The following TMEM132C variants were observed in gnomAD, a reference collection of about 807,000 sequenced individuals.
TMEM132C encodes transmembrane protein 132C.
TMEM132C carries 29 observed loss-of-function variants against 61.4 expected under a neutral mutation model. That is an observed-to-expected ratio of 0.47 (90% CI 0.35 to 0.64). The LOEUF (loss-of-function observed/expected upper bound fraction) is 0.64. Ranked by LOEUF, TMEM132C falls within the 30% of genes least tolerant of loss-of-function variation. TMEM132C has a pLI of 0.00. For synonymous variants in TMEM132C, 656 were observed against 633.1 expected, an observed-to-expected ratio of 1.04 and a Z score of -0.54; for missense variants, 1,408 against 1,476.9, an observed-to-expected ratio of 0.95 and a Z score of 0.76.
chr12:128,469,425 C>T (rs1870857752), intron 2 of TMEM132C, among the ~76,000 whole-genome samples: 1 of 151,126 alleles, frequency 6.6e-6, no homozygotes, highest in South Asian at 2.1e-4. Context: ...AGGTGATCCT[C>T]CCACCTCAGC....
At chr12:128,473,362 GCCTCTA>G (rs1281871211) in intron 2 of TMEM132C, among the ~76,000 whole-genome samples, 35 of 146,008 alleles carry the variant, frequency 2.4e-4, no homozygotes, top group South Asian at 6.3e-4. Context: ...CTTCACTCCA[GCCTCTA>G]TCTTCATCTT....
chr12:128,316,712 T>C (rs1872165911), intron 1 of TMEM132C, among the ~76,000 whole-genome samples: 1 of 152,166 alleles, frequency 6.6e-6, no homozygotes, highest in South Asian at 2.1e-4. Flanking sequence ...GCTTTTTATT[T>C]AAACAATTTT....
chr12:128,441,005 C>A (rs1328797781), intron 2 of TMEM132C, among the ~76,000 whole-genome samples: 1 of 152,182 alleles, frequency 6.6e-6, no homozygotes, highest in Non-Finnish European at 1.5e-5. Context: ...CGCGCCACTG[C>A]ACTCCAGCAT....
At chr12:128,280,020 T>C (rs1014751175) in intron 1 of TMEM132C, among the ~76,000 whole-genome samples, 1 of 152,218 alleles carries the variant, frequency 6.6e-6, no homozygotes, top group Non-Finnish European at 1.5e-5. Context: ...TCAGTCTGTC[T>C]TCGGCTTCTC....
chr12:128,397,899 A>C (rs990618228), intron 1 of TMEM132C, among the ~76,000 whole-genome samples: 3 of 152,118 alleles, frequency 2.0e-5, no homozygotes, highest in African/African-American at 7.2e-5. Flanking sequence ...ACACAGTTTA[A>C]TTGTCTGTGT....
Position 128,415,716 on chromosome 12 carries a change from T to G in TMEM132C, c.974+96T>G. The G allele has an allele frequency of 1.5e-6, 2 of 1,368,528 alleles. No homozygotes were observed. The highest frequency in any genetic ancestry group is 2.5e-5 in the East Asian group (1 of 39,384). 84.8% of individuals were successfully genotyped at this position (1,368,528 alleles called of 1,614,324 possible). A position where few individuals can be genotyped will look rare whatever the true frequency, so the allele number is the denominator to read the frequency against. On this transcript the variant is annotated intron_variant, in intron 2 of 8. Transcript: ENST00000435159. This position sits in a 1 kb window ranked among gnomAD's most constrained non-coding sequence, Gnocchi z 5.8. Reference sequence around the variant, plus strand: ...ATAGATATTCAGGAAGCATCGATTTTCACTACCTTCAGGGACCGTTTGGCA... The same window carrying G: ...ATAGATATTCAGGAAGCATCGATTTGCACTACCTTCAGGGACCGTTTGGCA...
intron 4 of TMEM132C, among the ~76,000 whole-genome samples, chr12:128,634,984 G>C (rs1195606556): frequency 6.6e-6 from 1 of 152,212 alleles, no homozygotes; most frequent in African/African-American, 2.4e-5. Flanking sequence ...CTGTCAGGCA[G>C]CTGTAGGGAA....
chr12:128,299,443 C>T (rs1396239215), intron 1 of TMEM132C, among the ~76,000 whole-genome samples: 1 of 152,078 alleles, frequency 6.6e-6, no homozygotes, highest in East Asian at 1.9e-4. Context: ...CGGAATTCAC[C>T]AGCTATTGAT....
intron 2 of TMEM132C, among the ~76,000 whole-genome samples, chr12:128,451,045 C>T (rs1162896293): frequency 1.3e-5 from 2 of 152,060 alleles, no homozygotes; most frequent in Non-Finnish European, 2.9e-5. Context: ...AAAACAAAAA[C>T]AGATTCAAAG....
chr12:128,565,512 A>G (rs1221666064), intron 3 of TMEM132C, among the ~76,000 whole-genome samples: 2 of 152,254 alleles, frequency 1.3e-5, no homozygotes, highest in Admixed American at 6.5e-5. Flanking sequence ...AAAATAGTCA[A>G]TAGGAAAATG....
chr12:128,506,507 T>C (rs776263147), intron 2 of TMEM132C, among the ~76,000 whole-genome samples: 84 of 152,116 alleles, frequency 5.5e-4, no homozygotes, highest in Non-Finnish European at 1.1e-3. Flanking sequence ...AGGAGGGGGC[T>C]CTGGTGGGAG....
rs149572975 is a variant in TMEM132C at position 128,604,326 on chromosome 12, G to A, written c.1122-11826G>A. On this transcript the variant is annotated intron_variant, in intron 3 of 8. Transcript: ENST00000435159. ...TGAGTGGATGGATGGATAGATGGAC[G>A]TGTGGATAGAAAGATGGATGGATAG... Among the ~76,000 whole-genome samples the A allele has an allele frequency of 2.0e-4, 30 of 152,074 alleles. No homozygotes were observed. The East Asian group carries it at 5.4e-3, about 28-fold the overall frequency.
At chr12:128,661,378 A>G (rs945546909) in intron 4 of TMEM132C, among the ~76,000 whole-genome samples, 1 of 152,208 alleles carries the variant, frequency 6.6e-6, no homozygotes, top group Non-Finnish European at 1.5e-5. Context: ...AGCTGGAACC[A>G]TCACCTGGCC....
At chr12:128,354,868 A>T (rs1358300254) in intron 1 of TMEM132C, among the ~76,000 whole-genome samples, 1 of 152,282 alleles carries the variant, frequency 6.6e-6, no homozygotes, top group East Asian at 1.9e-4. Context: ...TGTTCCACAG[A>T]CATTATCACC....
chr12:128,347,418 T>TCTCTATATCTCTCTCTCTCTCTCTCC (rs1873199113), intron 1 of TMEM132C, among the ~76,000 whole-genome samples: 16 of 149,082 alleles, frequency 1.1e-4, no homozygotes, highest in African/African-American at 3.9e-4. Flanking sequence ...TCTCTCTCTC[T>TCTCTATATCTCTCTCTCTCTCTCTCC]CTCTCTCTCT....
At chr12:128,597,810 G>A (rs1876024645) in intron 3 of TMEM132C, among the ~76,000 whole-genome samples, 1 of 152,212 alleles carries the variant, frequency 6.6e-6, no homozygotes, top group African/African-American at 2.4e-5. Context: ...GCCTTAAGGT[G>A]TCTGCCTGAG....
chr12:128,556,693 C>G (rs984161674), intron 3 of TMEM132C, among the ~76,000 whole-genome samples: 4 of 152,098 alleles, frequency 2.6e-5, no homozygotes, highest in African/African-American at 9.7e-5. Context: ...CATAAAAGCG[C>G]CCTGCACCAA....
At chr12:128,477,321 C>T (rs904662174) in intron 2 of TMEM132C, among the ~76,000 whole-genome samples, 1 of 152,152 alleles carries the variant, frequency 6.6e-6, no homozygotes, top group African/African-American at 2.4e-5. Context: ...TTCCTTATAG[C>T]AATAGCAGAG....
At chr12:128,641,361 A>G (rs1954156830) in intron 4 of TMEM132C, among the ~76,000 whole-genome samples, 1 of 152,206 alleles carries the variant, frequency 6.6e-6, no homozygotes, top group Non-Finnish European at 1.5e-5. Flanking sequence ...AAGTCTTAAC[A>G]CCACGTACCT....
Sources: gnomAD v4.1 joint callset for allele counts (sites outside exome capture counted in the v4.1 genomes callset) on GRCh38, gnomAD v4.1.1 for gene constraint, Gnocchi (gnomAD v3.1) non-coding constraint, MANE v1.5 for transcripts, NCBI Gene and HGNC (gene_info 2026-07-23, HGNC 2026-07-21) for gene names.